The following IL17C variants were observed in gnomAD, a reference collection of about 807,000 sequenced individuals.
The protein encoded by IL17C is interleukin 17C.
IL17C carries 13 observed loss-of-function variants against 11.0 expected under a neutral mutation model. The observed-to-expected ratio is 1.18, with a 90% confidence interval of 0.77 to 1.88. IL17C has a LOEUF of 1.88. Among genes scored for constraint, IL17C ranks in the 40% most tolerant of loss-of-function variants. IL17C has a pLI of 0.00. For synonymous variants in IL17C, 150 were observed against 125.8 expected, an observed-to-expected ratio of 1.19 and a Z score of -1.29; for missense variants, 357 against 278.2, an observed-to-expected ratio of 1.28 and a Z score of -2.01.
At position 88,639,106 on chromosome 16, in the gene IL17C, C is replaced by T. The variant is rs906742659; in HGVS notation, c.132C>T (p.Leu44=). The T allele has an allele frequency of 4.7e-5, 76 of 1,613,052 alleles. No individual in the cohort carries two copies. The highest frequency in any genetic ancestry group is 6.1e-5 in the Non-Finnish European group (72 of 1,179,946). ...GCTACTCGGCTGAGGAACTGCCCCT[C>T]GGCCAGGCCCCCCCACACCTGCTGG... ...PHCYSAEELP[L]GQAPPHLLAR... is the part of the protein sequence containing the mutation. The change falls in exon 2 of 3, where the codon CTC becomes CTT. Residue 44 remains leucine, a synonymous_variant. Coordinates refer to ENST00000244241, the MANE Select transcript of IL17C (RefSeq NM_013278.4). This position sits in a 1 kb window ranked among gnomAD's most constrained non-coding sequence, Gnocchi z 5.1.
rs1906986288 is a variant in IL17C at position 88,639,257 on chromosome 16, G to A, written c.283G>A (p.Glu95Lys). Residue 95 changes from glutamate to lysine, a missense_variant, in exon 2 of 3, where the codon GAG becomes AAG. Glu to Lys is a moderately conservative substitution (Grantham distance 56). Transcript: ENST00000244241. The surrounding 1 kb of genome is among the most constrained non-coding windows in gnomAD (Gnocchi z 5.1). ...TTQCPVLRPE[E>K]VLEADTHQRS... is the part of the protein sequence containing the mutation. ...CCAGTGCCCGGTGCTGCGGCCGGAG[G>A]AGGTGTTGGAGGCAGACACCCACCA... The A allele has an allele frequency of 6.2e-7, 1 of 1,611,818 alleles. No homozygotes were observed. Among genetic ancestry groups the A allele is most frequent in the Non-Finnish European group, 8.5e-7 (1 of 1,179,546 alleles).
chr16:88,638,897 G>A (rs766135337), intron 1 of IL17C, 84 bp from the exon 2 acceptor site: 88 of 1,327,808 alleles, frequency 6.6e-5, no homozygotes, highest in South Asian at 1.5e-4. Context: ...CCATCTTTCC[G>A]CTGGGAACAA....
chr16:88,639,412 A>G lies in IL17C; in HGVS notation c.335+103A>G. 1.7e-6 allele frequency: 2 copies of G among 1,185,776 alleles called. No individual in the cohort carries two copies. Among genetic ancestry groups the G allele is most frequent in the Non-Finnish European group, 2.3e-6 (2 of 871,414 alleles). The allele number at this position is 1,185,776 out of a possible 1,614,324, so 73.5% of individuals were successfully genotyped here. On this transcript the variant is annotated intron_variant, in intron 2 of 2. Transcript: ENST00000244241. This position sits in a 1 kb window ranked among gnomAD's most constrained non-coding sequence, Gnocchi z 5.1. The stretch of plus-strand genomic sequence containing the variant: ...GGGCCTTGGTGGTTCTCACCTGTCA[A>G]GTGGGCGTGGCCACCTGAGCTCCCT...
In IL17C at chr16:88,640,158, T is replaced by C; in HGVS notation, c.*86T>C. The C allele has an allele frequency of 2.1e-6, 3 of 1,418,054 alleles. No individual in the cohort carries two copies. The highest frequency in any genetic ancestry group is 2.4e-5 in the East Asian group (1 of 42,528). 87.8% of individuals were successfully genotyped at this position (1,418,054 alleles called of 1,614,324 possible). ...TTATGTGTATTTATTGTTATTTATA[T>C]GCCTCCCCCAACACTACCCTTGGGG... On this transcript the variant is annotated 3_prime_UTR_variant, in exon 3 of 3. Transcript: ENST00000244241.
intron 1 of IL17C, 104 bp downstream of exon 1, chr16:88,638,751 G>A: frequency 1.3e-6 from 2 of 1,564,442 alleles, no homozygotes; most frequent in Non-Finnish European, 1.8e-6. Flanking sequence ...TTGGGATGGG[G>A]TCTGGGAAAC....
chr16:88,640,069 G>A lies in IL17C; in HGVS notation c.591G>A (p.Val197=), dbSNP rs774016071. 13 of 1,548,910 alleles carry A rather than the reference G, an allele frequency of 8.4e-6. No homozygotes were observed. The highest frequency in any genetic ancestry group is 1.9e-5 in the Admixed American group (1 of 52,258). The part of the protein sequence containing the change: ...VGCTCVLPRS[V] Reference sequence around the variant, plus strand: ...GCACCTGCGTGCTGCCCCGTTCAGTGTGACCGCCGAGGCCGTGGGGCCCCT... The same window carrying A: ...GCACCTGCGTGCTGCCCCGTTCAGTATGACCGCCGAGGCCGTGGGGCCCCT... Residue 197 remains valine (V), a synonymous_variant, in exon 3 of 3, where the codon GTG becomes GTA. Coordinates refer to ENST00000244241, the MANE Select transcript of IL17C (RefSeq NM_013278.4).
chr16:88,639,964 C>T lies in IL17C; in HGVS notation c.486C>T (p.Pro162=), dbSNP rs1057060132. Residue 162 remains proline, a synonymous_variant, in exon 3 of 3, where the codon CCC becomes CCT. Coordinates refer to ENST00000244241, the MANE Select transcript of IL17C (RefSeq NM_013278.4). The surrounding 1 kb of genome is among the most constrained non-coding windows in gnomAD (Gnocchi z 5.1). ...GCCTGCTGGTGCTGCGCCGCCGGCC[C>T]TGCTCCCGCGACGGCTCGGGGCTCC... ...LQSLLVLRRR[P]CSRDGSGLPT... 1.2e-6 allele frequency: 2 copies of T among 1,610,196 alleles called. No individual in the cohort carries two copies. The highest frequency in any genetic ancestry group is 1.7e-6 in the Non-Finnish European group (2 of 1,178,748).
rs1221483009 is a variant in IL17C at position 88,638,753 on chromosome 16, C to G, written c.6+106C>G. On this transcript the variant is annotated intron_variant, in intron 1 of 2. Coordinates refer to ENST00000244241, the MANE Select transcript of IL17C (RefSeq NM_013278.4). ...TGGGAGGAGGGTGTTGGGATGGGGTCTGGGAAACCCCTCAGTCTGGGGGTA... is the reference window on the plus strand; with the variant it reads ...TGGGAGGAGGGTGTTGGGATGGGGTGTGGGAAACCCCTCAGTCTGGGGGTA... 2.6e-6 allele frequency: 4 copies of G among 1,538,078 alleles called. No individual in the cohort carries two copies. The African/African-American group carries it at 5.4e-5, about 21-fold the overall frequency.
chr16:88,640,043 T>C lies in IL17C; in HGVS notation c.565T>C (p.Cys189Arg), dbSNP rs777977882. The C allele has an allele frequency of 5.7e-6, 9 of 1,584,308 alleles. No homozygotes were observed. The Admixed American group carries it at 1.5e-4, about 27-fold the overall frequency. ...CGAGTTCATCCACGTCCCCGTCGGC[T>C]GCACCTGCGTGCTGCCCCGTTCAGT... ...HTEFIHVPVG[C>R]TCVLPRSV Residue 189 changes from cysteine to arginine, a missense_variant, in exon 3 of 3, where the codon TGC becomes CGC. Physicochemically the swap from Cys to Arg is radical, Grantham distance 180 (BLOSUM62 -3). Transcript: ENST00000244241.
rs900893119 is a variant in IL17C, at chr16:88,640,376, C to A, written c.*304C>A. 1 of 373,654 alleles carries A rather than the reference C, an allele frequency of 2.7e-6. No individual in the cohort carries two copies. Among genetic ancestry groups the A allele is most frequent in the South Asian group, 8.2e-5 (1 of 12,186 alleles). 23.1% of individuals were successfully genotyped at this position (373,654 alleles called of 1,614,324 possible). On this transcript the variant is annotated 3_prime_UTR_variant, in exon 3 of 3. Transcript: ENST00000244241. ...CTTACCCTATCACTGGCCTCAGGCC[C>A]CCGCAGGCTGCCTCTTCCCAACCTC...
Position 88,638,604 on chromosome 16 carries a change from A to G in IL17C, c.-38A>G. On this transcript the variant is annotated 5_prime_UTR_variant, in exon 1 of 3. Transcript: ENST00000244241. ...CCTGTGGGATTGCCGCCAGGTGTGC[A>G]GGCCGCTCCAAGCCCAGCCTGCCCC... 1 of 1,611,794 alleles carries G rather than the reference A, an allele frequency of 6.2e-7. No individual in the cohort carries two copies.
rs1245580640 is a variant in IL17C, at chr16:88,639,992, A to T, written c.514A>T (p.Thr172Ser). The T allele has an allele frequency of 6.2e-7, 1 of 1,608,788 alleles. No homozygotes were observed. Among genetic ancestry groups the T allele is most frequent in the South Asian group, 1.1e-5 (1 of 90,770 alleles). The change falls in exon 3 of 3, where the codon ACA becomes TCA. Residue 172 changes from threonine to serine, a missense_variant. By Grantham distance (58) the Thr-to-Ser change is moderately conservative. Coordinates refer to ENST00000244241, the MANE Select transcript of IL17C (RefSeq NM_013278.4). This position sits in a 1 kb window ranked among gnomAD's most constrained non-coding sequence, Gnocchi z 5.1. ...PCSRDGSGLP[T>S]PGAFAFHTEF... ...CTCCCGCGACGGCTCGGGGCTCCCC[A>T]CACCTGGGGCCTTTGCCTTCCACAC...
In IL17C at chr16:88,639,403, C is replaced by T; in HGVS notation, c.335+94C>T. 1.6e-6 allele frequency: 2 copies of T among 1,258,354 alleles called. No homozygotes were observed. Among genetic ancestry groups the T allele is most frequent in the Non-Finnish European group, 2.1e-6 (2 of 935,244 alleles). 77.9% of individuals were successfully genotyped at this position (1,258,354 alleles called of 1,614,324 possible). The stretch of plus-strand genomic sequence containing the variant: ...GAGCTCTCTGGGCCTTGGTGGTTCT[C>T]ACCTGTCAAGTGGGCGTGGCCACCT... On this transcript the variant is annotated intron_variant, in intron 2 of 2. Coordinates refer to ENST00000244241, the MANE Select transcript of IL17C (RefSeq NM_013278.4). The surrounding 1 kb of genome is among the most constrained non-coding windows in gnomAD (Gnocchi z 5.1).
Position 88,639,367 on chromosome 16 carries a change from GACT to G in IL17C, c.335+59_335+61del. 1 of 1,453,456 alleles carries G rather than the reference GACT, an allele frequency of 6.9e-7. No homozygotes were observed. The highest frequency in any genetic ancestry group is 2.3e-5 in the Admixed American group (1 of 44,266). 90.0% of individuals were successfully genotyped at this position (1,453,456 alleles called of 1,614,324 possible). On this transcript the variant is annotated intron_variant, in intron 2 of 2. Coordinates refer to ENST00000244241, the MANE Select transcript of IL17C (RefSeq NM_013278.4). The surrounding 1 kb of genome is among the most constrained non-coding windows in gnomAD (Gnocchi z 5.1). Reference sequence around the variant, plus strand: ...GCTGCCCCTCCCCTGGCGGGGCCCTGACTGCCCGGAGAGCTCTCTGGGCCTTGG... The same window carrying G: ...GCTGCCCCTCCCCTGGCGGGGCCCTGGCCCGGAGAGCTCTCTGGGCCTTGG...
chr16:88,640,410 T>C lies in IL17C; in HGVS notation c.*338T>C. On this transcript the variant is annotated 3_prime_UTR_variant, in exon 3 of 3. Coordinates refer to ENST00000244241, the MANE Select transcript of IL17C (RefSeq NM_013278.4). ...TGCCTCTTCCCAACCTCCTTGGAAG[T>C]ACCCCTGTTTCTTAAACAATTATTT... 1 of 317,754 alleles carries C rather than the reference T, an allele frequency of 3.1e-6. No homozygotes were observed. The highest frequency in any genetic ancestry group is 5.8e-6 in the Non-Finnish European group (1 of 171,850). The allele number at this position is 317,754 out of a possible 1,614,324, so 19.7% of individuals were successfully genotyped here.
chr16:88,639,333 T>C lies in IL17C; in HGVS notation c.335+24T>C. The C allele has an allele frequency of 1.3e-6, 2 of 1,537,718 alleles. No individual in the cohort carries two copies. The highest frequency in any genetic ancestry group is 1.8e-6 in the Non-Finnish European group (2 of 1,141,848). ...CGGTGAGGACCTGGGGATTCCGCTG[T>C]GGCGTGGGGCTGCCCCTCCCCTGGC... On this transcript the variant is annotated intron_variant, in intron 2 of 2. Coordinates refer to ENST00000244241, the MANE Select transcript of IL17C (RefSeq NM_013278.4). This position sits in a 1 kb window ranked among gnomAD's most constrained non-coding sequence, Gnocchi z 5.1.
In IL17C at chr16:88,639,889, A is replaced by C; in HGVS notation, c.411A>C (p.Ala137=). ...GCCTGTGCAGAGGCTGTATCGATGCACGGACGGGCCGCGAGACAGCTGCGC... is the reference window on the plus strand; with the variant it reads ...GCCTGTGCAGAGGCTGTATCGATGCCCGGACGGGCCGCGAGACAGCTGCGC... ...AECLCRGCID[A]RTGRETAALN... The change falls in exon 3 of 3, where the codon GCA becomes GCC. Residue 137 remains alanine (A), a synonymous_variant. Coordinates refer to ENST00000244241, the MANE Select transcript of IL17C (RefSeq NM_013278.4). The surrounding 1 kb of genome is among the most constrained non-coding windows in gnomAD (Gnocchi z 5.1). 4.4e-6 allele frequency: 7 copies of C among 1,608,322 alleles called. No homozygotes were observed. The highest frequency in any genetic ancestry group is 5.9e-6 in the Non-Finnish European group (7 of 1,178,558).
chr16:88,640,213 C>CTGT lies in IL17C; in HGVS notation c.*141_*142insTGT. ...GGCATTCCCCGTGTCTGGAGGACAGCCCCCCACTGTTCTCCTCATCTCCAG... is the reference window on the plus strand; with the variant it reads ...GGCATTCCCCGTGTCTGGAGGACAGCTGTCCCCCACTGTTCTCCTCATCTCCAG... On this transcript the variant is annotated 3_prime_UTR_variant, in exon 3 of 3. Transcript: ENST00000244241. 1.1e-6 allele frequency: 1 copy of CTGT among 919,294 alleles called. No individual in the cohort carries two copies. Among genetic ancestry groups the CTGT allele is most frequent in the Non-Finnish European group, 1.6e-6 (1 of 632,556 alleles). 56.9% of individuals were successfully genotyped at this position (919,294 alleles called of 1,614,324 possible).
chr16:88,638,703 T>G, intron 1 of IL17C, 56 bp downstream of exon 1: 1 of 1,612,188 alleles, frequency 6.2e-7, no homozygotes, highest in East Asian at 2.2e-5. Context: ...CAGCCTGGCA[T>G]GGAAGGGCTG....
Sources: gnomAD v4.1 joint callset for allele counts on GRCh38, gnomAD v4.1.1 for gene constraint, Gnocchi (gnomAD v3.1) non-coding constraint, MANE v1.5 for transcripts, NCBI Gene and HGNC (gene_info 2026-07-23, HGNC 2026-07-21) for gene names.